HDAC9: variants seen among roughly 807,000 people sequenced by gnomAD.
HDAC9 encodes histone deacetylase 9.
In HDAC9, 41 loss-of-function variants were observed where a neutral mutation model predicts 139.4. The ratio of observed to expected loss-of-function variants is 0.29; its 90% CI spans 0.23 to 0.38. The LOEUF (loss-of-function observed/expected upper bound fraction) is 0.38, where lower values mean the gene tolerates loss of function less well. HDAC9 is among the 10% of genes least tolerant of loss of function. The pLI, the probability that HDAC9 is intolerant of heterozygous loss-of-function variation, is 1.00. For synonymous variants in HDAC9, 517 were observed against 476.2 expected (o/e 1.09, Z -1.12); for missense variants, 1,147 against 1,297.0 (o/e 0.88, Z 1.78).
At chr7:18,520,486 C>A (rs1804682200) in intron 2 of HDAC9, among the ~76,000 whole-genome samples, 1 of 152,098 alleles carries the variant, frequency 6.6e-6, no homozygotes, top group Admixed American at 6.6e-5. Flanking sequence ...TTATAAAATT[C>A]TAAGGGAGTA....
At chr7:18,683,901 G>A (rs567107177) in intron 12 of HDAC9, among the ~76,000 whole-genome samples, 4 of 152,046 alleles carry the variant, frequency 2.6e-5, no homozygotes, top group African/African-American at 7.2e-5. Flanking sequence ...ATAAAACTAA[G>A]AATACTTAAC....
At chr7:18,887,676 T>C (rs1172261355) in intron 22 of HDAC9, among the ~76,000 whole-genome samples, 1 of 152,224 alleles carries the variant, frequency 6.6e-6, no homozygotes, top group Admixed American at 6.5e-5. Context: ...TCAAAATACA[T>C]TTGGAATCTT....
At chr7:18,912,847 A>G (rs1802858801) in intron 22 of HDAC9, among the ~76,000 whole-genome samples, 1 of 152,142 alleles carries the variant, frequency 6.6e-6, no homozygotes, top group Admixed American at 6.6e-5. Context: ...TTAAACTTAC[A>G]GAAGGTTTGA....
intron 2 of HDAC9, among the ~76,000 whole-genome samples, chr7:18,191,833 G>A (rs1231620309): frequency 1.3e-5 from 2 of 152,156 alleles, no homozygotes; most frequent in Non-Finnish European, 2.9e-5. Context: ...TCCTTGCCCT[G>A]TAAACTTGAA....
intron 2 of HDAC9, among the ~76,000 whole-genome samples, chr7:18,248,651 A>G (rs1438378181): frequency 6.6e-6 from 1 of 152,158 alleles, no homozygotes; most frequent in Non-Finnish European, 1.5e-5. Context: ...CATGCACTAC[A>G]TGAGAGGGAG....
rs141619705 is a variant in HDAC9 at position 18,500,314 on chromosome 7, C to T, written c.22+3990C>T. 2.5e-3 allele frequency among the ~76,000 whole-genome samples: 382 copies of T among 152,214 alleles called. 6 individuals are homozygous for T. Among genetic ancestry groups the T allele is most frequent in the Middle Eastern group, 6.8e-3 (2 of 294 alleles). ...AAATGTGCCTCATAATTTCTCACTA[C>T]TGATAAATAATGAAGTGAGCCCAAA... On this transcript the variant is annotated intron_variant, in intron 2 of 25. Transcript: ENST00000686413.
intron 21 of HDAC9, among the ~76,000 whole-genome samples, chr7:18,837,785 C>A (rs957960): frequency 0.42 from 63,331 of 151,836 alleles, 13,381 homozygotes; most frequent in South Asian, 0.55. Flanking sequence ...CATTCCATTA[C>A]ATAATGTAAA....
At chr7:18,878,446 C>T (rs1799486655) in intron 22 of HDAC9, among the ~76,000 whole-genome samples, 2 of 152,066 alleles carry the variant, frequency 1.3e-5, no homozygotes, top group South Asian at 2.1e-4. Flanking sequence ...CTTTAATAAA[C>T]ATTTTATAGT....
intron 1 of HDAC9, among the ~76,000 whole-genome samples, chr7:18,121,453 T>C (rs1335635912): frequency 6.6e-6 from 1 of 151,706 alleles, no homozygotes; most frequent in Non-Finnish European, 1.5e-5. Flanking sequence ...TACTGGGTGT[T>C]CATTCTGTCA....
chr7:18,406,419 G>A (rs1788009387), intron 1 of HDAC9, among the ~76,000 whole-genome samples: 1 of 151,054 alleles, frequency 6.6e-6, no homozygotes, highest in South Asian at 2.1e-4. Flanking sequence ...TTGAGATGGA[G>A]TCTCGCTCTG....
intron 2 of HDAC9, among the ~76,000 whole-genome samples, chr7:18,233,127 A>T (rs1793578848): frequency 6.6e-6 from 1 of 152,158 alleles, no homozygotes; most frequent in African/African-American, 2.4e-5. Context: ...CATCCTTCTG[A>T]ACATTTTTAA....
At chr7:18,773,237 A>C (rs1377879189) in intron 16 of HDAC9, among the ~76,000 whole-genome samples, 1 of 152,058 alleles carries the variant, frequency 6.6e-6, no homozygotes, top group Non-Finnish European at 1.5e-5. Flanking sequence ...GTAAACATGA[A>C]TATCACAAAG....
Position 18,986,865 on chromosome 7 carries a change from G to C in HDAC9, c.3171-9158G>C, listed in dbSNP as rs574198186. On this transcript the variant is annotated intron_variant, in intron 25 of 25. Coordinates refer to ENST00000686413, the MANE Select transcript of HDAC9 (RefSeq NM_178425.4). ...ATGGGAGTTCACTCATGATTTGGCT[G>C]TTTGTCTGTTGTTGGTGTATAAGAA... Among the ~76,000 whole-genome samples the C allele has an allele frequency of 1.2e-4, 18 of 151,792 alleles. No individual in the cohort carries two copies. In the South Asian group the frequency reaches 2.9e-3, roughly 25 times the overall value.
intron 2 of HDAC9, among the ~76,000 whole-genome samples, chr7:18,200,861 T>C (rs1260173728): frequency 6.6e-6 from 1 of 152,178 alleles, no homozygotes; most frequent in East Asian, 1.9e-4. Context: ...TCTTCTTTCT[T>C]AAAGTGAGAT....
chr7:18,483,534 G>A (rs1434680835), intron 1 of HDAC9, among the ~76,000 whole-genome samples: 1 of 152,136 alleles, frequency 6.6e-6, no homozygotes, highest in Non-Finnish European at 1.5e-5. Flanking sequence ...CTGGGAAAGA[G>A]GGTTTTTGGA....
At chr7:18,660,151 C>G (rs552351407) in intron 11 of HDAC9, among the ~76,000 whole-genome samples, 1 of 152,276 alleles carries the variant, frequency 6.6e-6, no homozygotes, top group South Asian at 2.1e-4. Context: ...AAGAATTTCT[C>G]TGTGACTTTT....
chr7:18,187,323 G>T (rs1789991873), intron 2 of HDAC9, among the ~76,000 whole-genome samples: 1 of 152,174 alleles, frequency 6.6e-6, no homozygotes, highest in South Asian at 2.1e-4. Flanking sequence ...AGTTTAAGAG[G>T]CATGTCTGGC....
chr7:18,207,301 A>G (rs1439329253), intron 2 of HDAC9, among the ~76,000 whole-genome samples: 1 of 152,260 alleles, frequency 6.6e-6, no homozygotes, highest in East Asian at 1.9e-4. Context: ...GTATAGAAGA[A>G]AAGGTGCATT....
chr7:18,705,341 C>A (rs1332659543), intron 12 of HDAC9, among the ~76,000 whole-genome samples: 1 of 152,110 alleles, frequency 6.6e-6, no homozygotes, highest in Non-Finnish European at 1.5e-5. Flanking sequence ...TACCTCACAC[C>A]CATTGAGATA....
Sources: allele counts gnomAD v4.1 joint callset (sites outside exome capture counted in the v4.1 genomes callset), GRCh38; gene constraint gnomAD v4.1.1; transcripts MANE v1.5; gene names NCBI Gene and HGNC (gene_info 2026-07-23, HGNC 2026-07-21).